Variants in LPCAT2 observed in about 807,000 individuals in gnomAD.
The protein encoded by LPCAT2 is lysophosphatidylcholine acyltransferase 2.
In LPCAT2, 58 loss-of-function variants were observed where a neutral mutation model predicts 64.7. The ratio of observed to expected loss-of-function variants is 0.90; its 90% confidence interval spans 0.73 to 1.12. The LOEUF is 1.12. Ranked by LOEUF, LPCAT2 falls within the 50% of genes most tolerant of loss-of-function variation. LPCAT2 has a pLI of 0.00. For missense variants in LPCAT2, 579 were observed against 669.8 expected (o/e 0.86, Z 1.50); for synonymous variants, 252 against 245.3 (o/e 1.03, Z -0.26).
At chr16:55,549,236 T>TA (rs565460933) in intron 9 of LPCAT2, 41 bp from the exon 10 acceptor site, 17,408 of 1,438,970 alleles carry the variant, frequency 0.012, 94 homozygotes, top group Admixed American at 0.014. Context: ...ACTTTTTTTT[T>TA]TAAAAAAAAT....
intron 11 of LPCAT2, chr16:55,551,465 A>AT (rs1380532097): frequency 6.6e-6 from 1 of 152,280 alleles, no homozygotes; most frequent in African/African-American, 2.4e-5. Flanking sequence ...GGAAGAGTTT[A>AT]TATCATTGGC....
intron 11 of LPCAT2, chr16:55,566,815 G>C (rs371676163): frequency 1.2e-6 from 2 of 1,613,766 alleles, no homozygotes; most frequent in Admixed American, 3.3e-5. Context: ...GAAGCTCTTG[G>C]AGGCCTCTTT....
intron 1 of LPCAT2, among the ~76,000 whole-genome samples, chr16:55,519,860 G>T (rs562787665): frequency 6.6e-6 from 1 of 152,160 alleles, no homozygotes; most frequent in East Asian, 1.9e-4. Context: ...AGCACACATT[G>T]TAATCTTCAG....
At chr16:55,527,690 T>C (rs1394904480) in intron 2 of LPCAT2, among the ~76,000 whole-genome samples, 1 of 152,120 alleles carries the variant, frequency 6.6e-6, no homozygotes, top group Non-Finnish European at 1.5e-5. Context: ...AATTAACTAA[T>C]CTATAATGGC....
chr16:55,513,230 C>A (rs1309352662), intron 1 of LPCAT2, among the ~76,000 whole-genome samples: 1 of 151,982 alleles, frequency 6.6e-6, no homozygotes, highest in Non-Finnish European at 1.5e-5. Flanking sequence ...TAAAGAATGG[C>A]ATAATGAATG....
chr16:55,532,764 C>T, intron 5 of LPCAT2, 60 bp from the exon 6 acceptor site: 1 of 1,130,868 alleles, frequency 8.8e-7, no homozygotes, highest in Non-Finnish European at 1.3e-6. Context: ...TTAATTTTCT[C>T]TTTATCATAA....
chr16:55,514,246 G>A (rs1962975058), intron 1 of LPCAT2, among the ~76,000 whole-genome samples: 1 of 152,046 alleles, frequency 6.6e-6, no homozygotes, highest in South Asian at 2.1e-4. Flanking sequence ...TAATTCTCAA[G>A]GCTATGCACA....
intron 11 of LPCAT2, among the ~76,000 whole-genome samples, chr16:55,556,402 T>G (rs1016298483): frequency 6.6e-6 from 1 of 152,302 alleles, no homozygotes; most frequent in Middle Eastern, 3.4e-3. Context: ...TCAGGATTTT[T>G]AATCAAAATT....
chr16:55,529,495 C>T (rs935194482), intron 3 of LPCAT2, among the ~76,000 whole-genome samples: 1 of 152,046 alleles, frequency 6.6e-6, no homozygotes, highest in Non-Finnish European at 1.5e-5. Flanking sequence ...TGTGAATTCA[C>T]GTAATCAGTT....
intron 8 of LPCAT2, chr16:55,542,141 C>A: frequency 3.1e-6 from 1 of 327,064 alleles, no homozygotes; most frequent in Non-Finnish European, 5.2e-6. Context: ...AAGTGACTGG[C>A]TTTGGTTGAT....
intron 3 of LPCAT2, among the ~76,000 whole-genome samples, chr16:55,529,073 A>G (rs141924784): frequency 6.6e-6 from 1 of 152,294 alleles, no homozygotes; most frequent in Non-Finnish European, 1.5e-5. Context: ...TTTGAAAATT[A>G]TGATGTGGGA....
chr16:55,546,565 C>T (rs775688131), intron 9 of LPCAT2, among the ~76,000 whole-genome samples: 16 of 152,042 alleles, frequency 1.1e-4, no homozygotes, highest in Non-Finnish European at 2.4e-4. Context: ...GCTTTATAGC[C>T]AGATTTCATA....
At chr16:55,580,308 G>A (rs552609676) in intron 13 of LPCAT2, among the ~76,000 whole-genome samples, 7 of 152,256 alleles carry the variant, frequency 4.6e-5, no homozygotes, top group African/African-American at 1.7e-4. Flanking sequence ...TGAAACTTAT[G>A]AGTCATAAAT....
intron 1 of LPCAT2, among the ~76,000 whole-genome samples, chr16:55,516,143 C>T (rs564860909): frequency 3.3e-5 from 5 of 152,302 alleles, no homozygotes; most frequent in South Asian, 2.1e-4. Context: ...CTCACTCTGT[C>T]GCCCAGGCTG....
At chr16:55,582,802 G>A (rs1399002404) in intron 13 of LPCAT2, 112 bp from the exon 14 acceptor site, 1 of 676,430 alleles carries the variant, frequency 1.5e-6, no homozygotes, top group East Asian at 2.7e-5. Flanking sequence ...ATGTTTGTGT[G>A]TTGGGTAGTA....
At chr16:55,546,353 T>A (rs1963453319) in intron 9 of LPCAT2, among the ~76,000 whole-genome samples, 1 of 152,160 alleles carries the variant, frequency 6.6e-6, no homozygotes, top group African/African-American at 2.4e-5. Context: ...ACTAGATAAA[T>A]CACCCCCTAT....
In LPCAT2 at chr16:55,514,453, A is replaced by C. The variant is rs140667566; in HGVS notation, c.171+5101A>C. On this transcript the variant is annotated intron_variant, in intron 1 of 13. Transcript: ENST00000262134. ...TTTCAGGTGCTTAAGAAAATCTCTA[A>C]TTATTAGCTGATTACTAAGCTAACT... Among the ~76,000 whole-genome samples the C allele has an allele frequency of 5.0e-3, 759 of 152,320 alleles. 6 individuals carry two copies. The highest frequency in any genetic ancestry group is 0.017 in the African/African-American group (722 of 41,560).
rs765814589 is a variant in LPCAT2 at position 55,545,800 on chromosome 16, C to T, written c.918C>T (p.Val306=). ...ATCCTGTCCTTTTTGCCAATAAAGT[C>T]CGGAATTTAATGGCAGAGTAAGTGT... ...KNDPVLFANK[V]RNLMAEALGI... The change falls in exon 9 of 14, where the codon GTC becomes GTT. Residue 306 remains valine (V), a synonymous_variant. Transcript: ENST00000262134. The T allele has an allele frequency of 5.6e-6, 9 of 1,611,198 alleles. No homozygotes were observed. The South Asian group carries it at 9.9e-5, about 18-fold the overall frequency.
At position 55,563,844 on chromosome 16, in the gene LPCAT2, G is replaced by A. The variant is rs138777301; in HGVS notation, c.1216-10787G>A. 1.3e-4 allele frequency among the ~76,000 whole-genome samples: 20 copies of A among 151,880 alleles called. No individual in the cohort carries two copies. In the East Asian group the frequency reaches 2.9e-3, roughly 22 times the overall value. ...TACTAACATGGTATTGGAAATCATC[G>A]CGAGAACAGTTAGGCAAGAAAAAGA... On this transcript the variant is annotated intron_variant, in intron 11 of 13. Transcript: ENST00000262134.
Sources: allele counts gnomAD v4.1 joint callset (sites outside exome capture counted in the v4.1 genomes callset), GRCh38; gene constraint gnomAD v4.1.1; transcripts MANE v1.5; gene names NCBI Gene and HGNC (gene_info 2026-07-23, HGNC 2026-07-21).